Variants in CFTR observed in about 807,000 individuals in gnomAD.
CFTR encodes cystic fibrosis transmembrane conductance regulator.
Under a neutral mutation model 171.6 loss-of-function variants are expected in CFTR, and 181 were observed. The ratio of observed to expected loss-of-function variants is 1.05; its 90% CI spans 0.93 to 1.19. The LOEUF (loss-of-function observed/expected upper bound fraction) is 1.19, where lower values mean the gene tolerates loss of function less well. CFTR is among the 50% of genes most tolerant of loss of function. CFTR has a pLI of 0.00. For missense variants in CFTR, 1,968 were observed against 1,734.7 expected (o/e 1.13, Z -2.39); for synonymous variants, 583 against 608.0 (o/e 0.96, Z 0.60).
rs761943917 is a variant in CFTR, at chr7:117,595,097, GTTAAA to G, written c.2619+44_2619+48del. ...ATTGTAAAGTATTACTGGATTTAAA[GTTAAA>G]TTAAGATAGTTTGGGGATGTATACA... On this transcript the variant is annotated intron_variant, in intron 15 of 26. Coordinates refer to ENST00000003084, the MANE Select transcript of CFTR (RefSeq NM_000492.4). 5.8e-6 allele frequency: 9 copies of G among 1,560,494 alleles called. No homozygotes were observed. The East Asian group carries it at 1.1e-4, about 20-fold the overall frequency.
chr7:117,501,766 A>G (rs868067900), intron 1 of CFTR, among the ~76,000 whole-genome samples: 2 of 149,396 alleles, frequency 1.3e-5, no homozygotes, highest in Non-Finnish European at 3.0e-5. Context: ...AAAAAAAAAA[A>G]AAAAAGAAAC....
chr7:117,496,356 C>A (rs1040605559), intron 1 of CFTR, among the ~76,000 whole-genome samples: 4 of 152,086 alleles, frequency 2.6e-5, no homozygotes, highest in Non-Finnish European at 4.4e-5. Flanking sequence ...CAGGCTTGCA[C>A]CACATGACTG....
intron 10 of CFTR, among the ~76,000 whole-genome samples, chr7:117,555,595 A>C (rs942831055): frequency 6.6e-6 from 1 of 152,214 alleles, no homozygotes; most frequent in African/African-American, 2.4e-5. Context: ...CAAGCAATCC[A>C]TACAAAGTGC....
chr7:117,572,356 T>A (rs1305029289), intron 11 of CFTR, among the ~76,000 whole-genome samples: 1 of 152,178 alleles, frequency 6.6e-6, no homozygotes. Context: ...TTTCTAGTGG[T>A]GATTAATCTT....
At chr7:117,507,423 A>G (rs1171360842) in intron 2 of CFTR, among the ~76,000 whole-genome samples, 1 of 152,226 alleles carries the variant, frequency 6.6e-6, no homozygotes, top group African/African-American at 2.4e-5. Context: ...ATGAAATATA[A>G]CAACACCTTT....
intron 21 of CFTR, among the ~76,000 whole-genome samples, chr7:117,616,593 G>T (rs1333453438): frequency 6.6e-6 from 1 of 152,076 alleles, no homozygotes; most frequent in Non-Finnish European, 1.5e-5. Context: ...TACTCTGCGT[G>T]TTCAATCTCC....
In CFTR at chr7:117,571,958, G is replaced by T. The variant is rs34721490; in HGVS notation, c.1584+12303G>T. ...AATTTGAGTTTTCTGCTATATATTT[G>T]GTCAGTTCCTATCAGTGAAGGAAAA... On this transcript the variant is annotated intron_variant, in intron 11 of 26. Coordinates refer to ENST00000003084, the MANE Select transcript of CFTR (RefSeq NM_000492.4). 5.4e-3 allele frequency among the ~76,000 whole-genome samples: 816 copies of T among 151,780 alleles called. 7 individuals are homozygous for T. Among genetic ancestry groups the T allele is most frequent in the African/African-American group, 0.018 (761 of 41,410 alleles).
chr7:117,621,525 T>C (rs985371554), intron 21 of CFTR, among the ~76,000 whole-genome samples: 3 of 152,170 alleles, frequency 2.0e-5, no homozygotes, highest in Non-Finnish European at 4.4e-5. Flanking sequence ...TCCTTTTGAA[T>C]TGATGGACCA....
intron 11 of CFTR, among the ~76,000 whole-genome samples, chr7:117,575,351 T>A (rs1791754858): frequency 1.3e-5 from 2 of 152,198 alleles, no homozygotes. Flanking sequence ...CCCCAATTAC[T>A]TGTAAGATGC....
At chr7:117,586,683 A>G (rs1791938765) in intron 11 of CFTR, among the ~76,000 whole-genome samples, 1 of 152,138 alleles carries the variant, frequency 6.6e-6, no homozygotes, top group Admixed American at 6.6e-5. Context: ...AAGAAGAAGG[A>G]AGAAGCATAT....
chr7:117,534,939 A>G (rs1798923266), intron 5 of CFTR, among the ~76,000 whole-genome samples: 2 of 152,230 alleles, frequency 1.3e-5, no homozygotes, highest in Admixed American at 1.3e-4. Context: ...TTTATGCAAA[A>G]AGAAGTAAGT....
chr7:117,580,419 T>C (rs1467299991), intron 11 of CFTR, among the ~76,000 whole-genome samples: 1 of 152,076 alleles, frequency 6.6e-6, no homozygotes, highest in Admixed American at 6.6e-5. Flanking sequence ...CTTTCAAAAC[T>C]TGCTAATATA....
chr7:117,631,048 G>A (rs1792736457), intron 22 of CFTR, among the ~76,000 whole-genome samples: 2 of 151,988 alleles, frequency 1.3e-5, no homozygotes, highest in Non-Finnish European at 2.9e-5. Flanking sequence ...ATGTTGCCCA[G>A]GCTGGTCTCA....
intron 1 of CFTR, among the ~76,000 whole-genome samples, chr7:117,500,404 A>T (rs1798305130): frequency 6.7e-6 from 1 of 148,252 alleles, no homozygotes; most frequent in Non-Finnish European, 1.5e-5. Context: ...CTCCCACCTC[A>T]GCCTCCCGCG....
chr7:117,592,732 A>G, intron 14 of CFTR, 75 bp downstream of exon 14: 1 of 1,254,506 alleles, frequency 8.0e-7, no homozygotes, highest in Non-Finnish European at 1.0e-6. Flanking sequence ...AGCATGTAAC[A>G]AAATTTACTA....
At position 117,667,203 on chromosome 7, in the gene CFTR, C is replaced by T. The variant is rs1252347718; in HGVS notation, c.*95C>T. The T allele has an allele frequency of 1.1e-5, 12 of 1,121,258 alleles. No homozygotes were observed. Among genetic ancestry groups the T allele is most frequent in the African/African-American group, 6.2e-5 (4 of 64,270 alleles). 69.5% of individuals were successfully genotyped at this position (1,121,258 alleles called of 1,614,324 possible). ...GAATTGGAGCTCGTGGAACAGTTACCTCTGCCTCAGAAAACAAGGATGAAT... is the reference window on the plus strand; with the variant it reads ...GAATTGGAGCTCGTGGAACAGTTACTTCTGCCTCAGAAAACAAGGATGAAT... On this transcript the variant is annotated 3_prime_UTR_variant, in exon 27 of 27. Transcript: ENST00000003084.
intron 1 of CFTR, among the ~76,000 whole-genome samples, chr7:117,499,013 A>G (rs558371580): frequency 2.0e-5 from 3 of 152,304 alleles, no homozygotes; most frequent in South Asian, 4.1e-4. Flanking sequence ...GTGTATTAGT[A>G]TGTCAATATT....
At chr7:117,615,984 T>A (rs1256523145) in intron 21 of CFTR, among the ~76,000 whole-genome samples, 1 of 152,136 alleles carries the variant, frequency 6.6e-6, no homozygotes, top group Non-Finnish European at 1.5e-5. Context: ...TGCTTAAGTT[T>A]CTTTCCTTGT....
intron 23 of CFTR, among the ~76,000 whole-genome samples, chr7:117,646,319 C>T (rs114917410): frequency 6.6e-6 from 1 of 151,996 alleles, no homozygotes; most frequent in African/African-American, 2.4e-5. Context: ...GAGGTATATA[C>T]CATAGAAGTG....
Sources: gnomAD v4.1 joint callset for allele counts (sites outside exome capture counted in the v4.1 genomes callset) on GRCh38, gnomAD v4.1.1 for gene constraint, MANE v1.5 for transcripts, NCBI Gene and HGNC (gene_info 2026-07-23, HGNC 2026-07-21) for gene names.